The following KCMF1 variants were observed in gnomAD, a reference collection of about 807,000 sequenced individuals.
KCMF1 encodes the protein potassium channel modulatory factor 1, also known as E3 ubiquitin-protein ligase KCMF1.
KCMF1 carries 3 observed loss-of-function variants against 41.1 expected under a neutral mutation model. The ratio of observed to expected loss-of-function variants is 0.07; its 90% CI spans 0.03 to 0.19. KCMF1 has a LOEUF of 0.19. KCMF1 is among the 10% of genes least tolerant of loss of function. The pLI is 1.00. For missense variants in KCMF1, 286 were observed against 488.9 expected (o/e 0.58, Z 3.91); for synonymous variants, 142 against 164.5 (o/e 0.86, Z 1.04).
intron 6 of KCMF1, among the ~76,000 whole-genome samples, chr2:85,050,793 T>C (rs771113913): frequency 4.6e-5 from 7 of 152,370 alleles, no homozygotes; most frequent in East Asian, 1.9e-4. Context: ...TTTCTACTTA[T>C]GTTTCTTTTA....
rs1447099091 is a variant in KCMF1 at position 85,016,209 on chromosome 2, CCT to C, written c.17-11679_17-11678del. On this transcript the variant is annotated intron_variant, in intron 1 of 6. Coordinates refer to ENST00000409785, the MANE Select transcript of KCMF1 (RefSeq NM_020122.5). ...TCTTGCTCCTGGATCATGCTCTCCC[CCT>C]ATTTCATTTCTCTTTCTCTGCTGTG... is the stretch of plus-strand genomic sequence containing the variant. 5.3e-5 allele frequency among the ~76,000 whole-genome samples: 8 copies of C among 152,126 alleles called. No individual in the cohort carries two copies. The East Asian group carries it at 1.5e-3, about 29-fold the overall frequency.
intron 1 of KCMF1, among the ~76,000 whole-genome samples, chr2:84,992,964 C>T (rs999944904): frequency 1.3e-5 from 2 of 152,124 alleles, no homozygotes; most frequent in Non-Finnish European, 2.9e-5. Context: ...GAGGTCGAGG[C>T]AGGCAGGTCC....
chr2:84,980,066 C>T (rs1279109608), intron 1 of KCMF1, among the ~76,000 whole-genome samples: 1 of 151,854 alleles, frequency 6.6e-6, no homozygotes, highest in African/African-American at 2.4e-5. Context: ...CTCCTGACCT[C>T]AGGTGATCTG....
chr2:85,043,424 T>C (rs1331144766), intron 3 of KCMF1, 140 bp from the exon 4 acceptor site: 1 of 650,618 alleles, frequency 1.5e-6, no homozygotes, highest in Non-Finnish European at 2.8e-6. Flanking sequence ...AGGTTTCTAC[T>C]GCTTTTCACT....
intron 1 of KCMF1, among the ~76,000 whole-genome samples, chr2:85,021,152 A>C (rs115303125): frequency 6.6e-6 from 1 of 152,084 alleles, no homozygotes; most frequent in African/African-American, 2.4e-5. Context: ...TAGATAATCG[A>C]TATTTGTTGA....
chr2:85,053,672 T>A lies in KCMF1; in HGVS notation c.*263T>A. The A allele has an allele frequency of 2.9e-6, 1 of 349,644 alleles. No homozygotes were observed. Among genetic ancestry groups the A allele is most frequent in the East Asian group, 4.9e-5 (1 of 20,598 alleles). 21.7% of individuals were successfully genotyped at this position (349,644 alleles called of 1,614,324 possible). A position where few individuals can be genotyped will look rare whatever the true frequency, so the allele number is the denominator to read the frequency against. ...GACATGCAAAAGGCTCTCCTAATACTCCACATTCAAACTGAAGAGGAAAAT... is the reference window on the plus strand; with the variant it reads ...GACATGCAAAAGGCTCTCCTAATACACCACATTCAAACTGAAGAGGAAAAT... On this transcript the variant is annotated 3_prime_UTR_variant, in exon 7 of 7. Coordinates refer to ENST00000409785, the MANE Select transcript of KCMF1 (RefSeq NM_020122.5).
intron 2 of KCMF1, among the ~76,000 whole-genome samples, chr2:85,033,553 T>G (rs1675333918): frequency 6.6e-6 from 1 of 152,148 alleles, no homozygotes; most frequent in Admixed American, 6.5e-5. Context: ...TGGGCATGTG[T>G]AAAGAGACCA....
chr2:84,999,678 A>G (rs1390240320), intron 1 of KCMF1, among the ~76,000 whole-genome samples: 3 of 152,252 alleles, frequency 2.0e-5, no homozygotes, highest in African/African-American at 7.2e-5. Flanking sequence ...AACTGTTAGA[A>G]TGAGTAAAAG....
chr2:85,051,285 G>A (rs1031175533), intron 6 of KCMF1, among the ~76,000 whole-genome samples: 1 of 152,160 alleles, frequency 6.6e-6, no homozygotes, highest in Non-Finnish European at 1.5e-5. Flanking sequence ...ACCAGCAGCA[G>A]GTCTATAACA....
intron 1 of KCMF1, among the ~76,000 whole-genome samples, chr2:85,010,250 G>T (rs1674619831): frequency 6.6e-6 from 1 of 152,098 alleles, no homozygotes. Context: ...GGTGGGATCA[G>T]TTTAGGCCAG....
intron 2 of KCMF1, among the ~76,000 whole-genome samples, chr2:85,030,011 A>C (rs1053635236): frequency 1.3e-5 from 2 of 151,918 alleles, no homozygotes; most frequent in African/African-American, 4.8e-5. Context: ...CCTAGCCCAC[A>C]CTTTTTGTCC....
rs1360795097 is a variant in KCMF1, at chr2:85,030,373, T to C, written c.184+2317T>C. 2.0e-5 allele frequency among the ~76,000 whole-genome samples: 3 copies of C among 152,356 alleles called. No homozygotes were observed. The East Asian group carries it at 5.8e-4, about 29-fold the overall frequency. On this transcript the variant is annotated intron_variant, in intron 2 of 6. Coordinates refer to ENST00000409785, the MANE Select transcript of KCMF1 (RefSeq NM_020122.5). The stretch of plus-strand genomic sequence containing the variant: ...CCCGTTTATGTATTTTTTCATTTGT[T>C]GTGCATTTGATGCTGTATCTAGAAA...
At chr2:85,003,817 G>A (rs1674395509) in intron 1 of KCMF1, among the ~76,000 whole-genome samples, 1 of 152,006 alleles carries the variant, frequency 6.6e-6, no homozygotes, top group Non-Finnish European at 1.5e-5. Flanking sequence ...AAGATAACTG[G>A]GCAAATGAAA....
chr2:85,008,584 A>G (rs369274339), intron 1 of KCMF1, among the ~76,000 whole-genome samples: 11 of 151,292 alleles, frequency 7.3e-5, no homozygotes, highest in African/African-American at 2.7e-4. Context: ...ATGGGACTAA[A>G]TAGACCATGA....
At position 85,058,799 on chromosome 2, in the gene KCMF1, C is replaced by T. The variant is rs551499662; in HGVS notation, c.*5390C>T. ...TCAGAGCTGGTGAGTGAGCTGCTCC[C>T]TTAAATCTACCAAATTAGACTGACA... On this transcript the variant is annotated 3_prime_UTR_variant, in exon 7 of 7. Coordinates refer to ENST00000409785, the MANE Select transcript of KCMF1 (RefSeq NM_020122.5). 2 of 152,290 alleles carry T rather than the reference C, an allele frequency of 1.3e-5. No homozygotes were observed. Among genetic ancestry groups the T allele is most frequent in the South Asian group, 2.1e-4 (1 of 4,820 alleles). The allele number at this position is 152,290 out of a possible 1,614,324, so 9.4% of individuals were successfully genotyped here. A position where few individuals can be genotyped will look rare whatever the true frequency, so the allele number is the denominator to read the frequency against.
chr2:85,029,139 T>C (rs1477299191), intron 2 of KCMF1, among the ~76,000 whole-genome samples: 2 of 151,936 alleles, frequency 1.3e-5, no homozygotes, highest in Non-Finnish European at 2.9e-5. Flanking sequence ...CCAGCTAATT[T>C]TTTTGTATTT....
Position 85,059,370 on chromosome 2 carries a change from G to A in KCMF1, c.*5961G>A, listed in dbSNP as rs1676011370. 1 of 152,158 alleles carries A rather than the reference G, an allele frequency of 6.6e-6. No individual in the cohort carries two copies. Among genetic ancestry groups the A allele is most frequent in the African/African-American group, 2.4e-5 (1 of 41,430 alleles). 9.4% of individuals were successfully genotyped at this position (152,158 alleles called of 1,614,324 possible). A position where few individuals can be genotyped will look rare whatever the true frequency, so the allele number is the denominator to read the frequency against. ...AATTGCATATTGTATCAGGCTCCGAGACTAATTTGTACTGAACCCTTGATA... is the reference window on the plus strand; with the variant it reads ...AATTGCATATTGTATCAGGCTCCGAAACTAATTTGTACTGAACCCTTGATA... On this transcript the variant is annotated 3_prime_UTR_variant, in exon 7 of 7. Transcript: ENST00000409785.
At chr2:85,014,706 CGCGT>C (rs200633560) in intron 1 of KCMF1, among the ~76,000 whole-genome samples, 7,961 of 146,440 alleles carry the variant, frequency 0.054, 243 homozygotes, top group Non-Finnish European at 0.063. Context: ...TACTGGCGCG[CGCGT>C]GCGTGCGTGC....
intron 1 of KCMF1, among the ~76,000 whole-genome samples, chr2:85,024,167 A>G (rs540528806): frequency 2.0e-5 from 3 of 152,230 alleles, no homozygotes; most frequent in Non-Finnish European, 4.4e-5. Context: ...TTTTCAATCA[A>G]TGTAGGCTGT....
Sources: gnomAD v4.1 joint callset for allele counts (sites outside exome capture counted in the v4.1 genomes callset) on GRCh38, gnomAD v4.1.1 for gene constraint, MANE v1.5 for transcripts, NCBI Gene and HGNC (gene_info 2026-07-23, HGNC 2026-07-21) for gene names.